The following TXNDC11 variants were observed in gnomAD, a reference collection of about 807,000 sequenced individuals.
TXNDC11 encodes the protein thioredoxin domain-containing protein 11.
Under a neutral mutation model 78.0 loss-of-function variants are expected in TXNDC11, and 68 were observed. The ratio of observed to expected loss-of-function variants is 0.87; its 90% CI spans 0.72 to 1.07. The LOEUF (loss-of-function observed/expected upper bound fraction) is 1.07. TXNDC11 is among the 50% of genes least tolerant of loss of function. The pLI, the probability that TXNDC11 is intolerant of heterozygous loss-of-function variation, is 0.00. For missense variants in TXNDC11, 1,389 were observed against 1,221.8 expected (o/e 1.14, Z -2.04); for synonymous variants, 571 against 495.2 (o/e 1.15, Z -2.03).
chr16:11,738,318 A>T (rs371295969), intron 1 of TXNDC11, among the ~76,000 whole-genome samples: 145 of 152,378 alleles, frequency 9.5e-4, no homozygotes, highest in African/African-American at 3.3e-3. Flanking sequence ...CAGTCTATGC[A>T]GAATGCCTTC....
intron 8 of TXNDC11, chr16:11,688,648 T>A: frequency 4.2e-6 from 2 of 476,860 alleles, no homozygotes; most frequent in Non-Finnish European, 7.5e-6. Flanking sequence ...CAGACAGTAA[T>A]GTGGATAACA....
intron 7 of TXNDC11, among the ~76,000 whole-genome samples, chr16:11,696,885 C>G (rs2050873991): frequency 6.6e-6 from 1 of 152,102 alleles, no homozygotes; most frequent in Non-Finnish European, 1.5e-5. Context: ...CAGCCAGGAC[C>G]CTGACACACC....
rs377433544 is a variant in TXNDC11 at position 11,679,429 on chromosome 16, G to C, written c.2643C>G (p.Ala881=). The change falls in exon 12 of 12, where the codon GCC becomes GCG. Residue 881 remains alanine (A), a synonymous_variant. Transcript: ENST00000283033. This position sits in a 1 kb window ranked among gnomAD's most constrained non-coding sequence, Gnocchi z 4.6. ...CGGTAAGGAGGTTTTCTGAGGCATC[G>C]GCCAGCTCCTGCAGCTTGCGGGCCA... The part of the protein sequence containing the change: ...QELARKLQEL[A]DASENLLTEN... The C allele has an allele frequency of 1.2e-6, 2 of 1,613,236 alleles. No homozygotes were observed. Among genetic ancestry groups the C allele is most frequent in the African/African-American group, 1.3e-5 (1 of 74,852 alleles).
Position 11,688,326 on chromosome 16 carries a change from A to T in TXNDC11, c.2020T>A (p.Trp674Arg), listed in dbSNP as rs373471401. 6.2e-7 allele frequency: 1 copy of T among 1,613,910 alleles called. No homozygotes were observed. Among genetic ancestry groups the T allele is most frequent in the African/African-American group, 1.3e-5 (1 of 74,920 alleles). The change falls in exon 9 of 12, where the codon TGG becomes AGG. Residue 674 changes from tryptophan to arginine, a missense_variant. Physicochemically the swap from Trp to Arg is moderately radical, Grantham distance 101. Transcript: ENST00000283033. The part of the protein sequence containing the change: ...LITEVTTDTF[W>R]EVVLQKQDVL... ...ACCTGTTTTTGAAGGACTACTTCCC[A>T]AAAGGTATCAGTTGTCACTTCAGTG...
chr16:11,690,344 C>T (rs534656614), intron 8 of TXNDC11, among the ~76,000 whole-genome samples: 6 of 152,328 alleles, frequency 3.9e-5, no homozygotes, highest in Admixed American at 3.9e-4. Flanking sequence ...TGGAGCCTTA[C>T]TCCTCAAAAA....
intron 5 of TXNDC11, among the ~76,000 whole-genome samples, chr16:11,715,162 G>C (rs1183658423): frequency 6.6e-6 from 1 of 151,856 alleles, no homozygotes; most frequent in Non-Finnish European, 1.5e-5. Flanking sequence ...TGAGGCAGGA[G>C]AATTGCTTGA....
intron 11 of TXNDC11, among the ~76,000 whole-genome samples, chr16:11,682,014 T>C (rs958937608): frequency 1.3e-5 from 2 of 152,256 alleles, no homozygotes; most frequent in African/African-American, 4.8e-5. Flanking sequence ...TTTTCCCCTC[T>C]GTGAACATCT....
intron 8 of TXNDC11, 67 bp downstream of exon 8, chr16:11,691,223 A>G (rs934627724): frequency 2.0e-5 from 27 of 1,360,754 alleles, no homozygotes; most frequent in African/African-American, 1.3e-4. Flanking sequence ...AGAGCCATCA[A>G]TAAAATTTAC....
At chr16:11,725,779 A>G (rs2051859051) in intron 4 of TXNDC11, among the ~76,000 whole-genome samples, 1 of 152,268 alleles carries the variant, frequency 6.6e-6, no homozygotes, top group Non-Finnish European at 1.5e-5. Context: ...TACAAAGTTA[A>G]GAATTTTTAG....
In TXNDC11 at chr16:11,730,738, A is replaced by G; in HGVS notation, c.606T>C (p.Ala202=). ...GGCGGACAAACTTCTCAATGTAAAC[A>G]GCACTCATGGGGCCTTTGTATTCGA... ...GPIEYKGPMS[A]VYIEKFVRRV... Residue 202 remains alanine, a synonymous_variant, in exon 4 of 12, where the codon GCT becomes GCC. Coordinates refer to ENST00000283033, the MANE Select transcript of TXNDC11 (RefSeq NM_015914.7). 1 of 1,613,342 alleles carries G rather than the reference A, an allele frequency of 6.2e-7. No homozygotes were observed. The highest frequency in any genetic ancestry group is 8.5e-7 in the Non-Finnish European group (1 of 1,179,444).
At chr16:11,741,823 A>G (rs3743585) in intron 1 of TXNDC11, 73,095 of 151,920 alleles carry the variant, frequency 0.48, 17,885 homozygotes, top group Middle Eastern at 0.56. Flanking sequence ...ACGTGAGGTC[A>G]GGAGTTCGAG....
At chr16:11,739,042 A>T (rs909774660) in intron 1 of TXNDC11, among the ~76,000 whole-genome samples, 1 of 152,130 alleles carries the variant, frequency 6.6e-6, no homozygotes, top group Non-Finnish European at 1.5e-5. Flanking sequence ...GAAAAAAAAA[A>T]TGCAATGTAA....
At chr16:11,736,558 C>A (rs540390034) in intron 1 of TXNDC11, among the ~76,000 whole-genome samples, 1 of 152,316 alleles carries the variant, frequency 6.6e-6, no homozygotes, top group East Asian at 1.9e-4. Context: ...TGGCTCTCCA[C>A]AAAAGCCACT....
chr16:11,726,025 G>A (rs1419844961), intron 4 of TXNDC11, among the ~76,000 whole-genome samples: 2 of 152,062 alleles, frequency 1.3e-5, no homozygotes, highest in Non-Finnish European at 2.9e-5. Context: ...CTACAGGCAT[G>A]TGCCACCATG....
chr16:11,700,737 C>T (rs983105856), intron 5 of TXNDC11, among the ~76,000 whole-genome samples, 173 bp from the exon 6 acceptor site: 1 of 152,182 alleles, frequency 6.6e-6, no homozygotes, highest in East Asian at 1.9e-4. Flanking sequence ...AAACCGACCT[C>T]GGCCCCTCAG....
At position 11,687,986 on chromosome 16, in the gene TXNDC11, G is replaced by A; in HGVS notation, c.2044-20C>T. The A allele has an allele frequency of 6.5e-7, 1 of 1,547,926 alleles. No individual in the cohort carries two copies. The highest frequency in any genetic ancestry group is 8.9e-7 in the Non-Finnish European group (1 of 1,121,716). ...AACGTCCTGTGGGAAAGGGAAGACA[G>A]ATGTTACTTGCACCGGGAAATGGGC... On this transcript the variant is annotated intron_variant, in intron 9 of 11. Transcript: ENST00000283033.
chr16:11,742,759 C>G lies in TXNDC11; in HGVS notation c.-29G>C. ...ATGCTCCCAGTCGCCGGCTTTATAC[C>G]GCCGCCGCCGCCTCGGGCCCGAAGG... is the stretch of plus-strand genomic sequence containing the variant. On this transcript the variant is annotated 5_prime_UTR_variant, in exon 1 of 12. Coordinates refer to ENST00000283033, the MANE Select transcript of TXNDC11 (RefSeq NM_015914.7). 1 of 1,425,130 alleles carries G rather than the reference C, an allele frequency of 7.0e-7. No individual in the cohort carries two copies. The highest frequency in any genetic ancestry group is 1.5e-5 in the African/African-American group (1 of 67,162). 88.3% of individuals were successfully genotyped at this position (1,425,130 alleles called of 1,614,324 possible). A position where few individuals can be genotyped will look rare whatever the true frequency, so the allele number is the denominator to read the frequency against.
chr16:11,696,835 T>C (rs2050872395), intron 7 of TXNDC11, among the ~76,000 whole-genome samples: 1 of 152,142 alleles, frequency 6.6e-6, no homozygotes, highest in Non-Finnish European at 1.5e-5. Context: ...ACCACAACCC[T>C]CTGGGCAGAG....
In TXNDC11 at chr16:11,679,162, T is replaced by G. The variant is rs757416382; in HGVS notation, c.*33A>C. ...ATAAATATATTCCCAATGTACAATT[T>G]TCACCTCTGATTTCTTCATATCATT... On this transcript the variant is annotated 3_prime_UTR_variant, in exon 12 of 12. Transcript: ENST00000283033. This position sits in a 1 kb window ranked among gnomAD's most constrained non-coding sequence, Gnocchi z 4.6. 6.3e-7 allele frequency: 1 copy of G among 1,599,398 alleles called. No homozygotes were observed. Among genetic ancestry groups the G allele is most frequent in the Non-Finnish European group, 8.5e-7 (1 of 1,174,866 alleles).
Sources: allele counts gnomAD v4.1 joint callset (sites outside exome capture counted in the v4.1 genomes callset), GRCh38; gene constraint gnomAD v4.1.1; non-coding constraint Gnocchi (gnomAD v3.1); transcripts MANE v1.5; gene names NCBI Gene and HGNC (gene_info 2026-07-23, HGNC 2026-07-21).